SNX2: variants seen among roughly 807,000 people sequenced by gnomAD.
SNX2 encodes the protein sorting nexin 2.
A neutral mutation model predicts 69.9 loss-of-function variants in SNX2; 25 were observed. The ratio of observed to expected loss-of-function variants is 0.36; its 90% CI spans 0.26 to 0.50. The LOEUF is 0.50. SNX2 is among the 20% of genes least tolerant of loss of function. The pLI, the probability that SNX2 is intolerant of heterozygous loss-of-function variation, is 0.97. For synonymous variants in SNX2, 229 were observed against 200.4 expected (o/e 1.14, Z -1.20); for missense variants, 551 against 613.3 (o/e 0.90, Z 1.07).
At position 122,801,787 on chromosome 5, in the gene SNX2, G is replaced by A. The variant is rs1581634192; in HGVS notation, c.391-82G>A. The A allele has an allele frequency of 2.6e-5, 23 of 876,388 alleles. No individual in the cohort carries two copies. The East Asian group carries it at 6.2e-4, about 24-fold the overall frequency. 54.3% of individuals were successfully genotyped at this position (876,388 alleles called of 1,614,324 possible). On this transcript the variant is annotated intron_variant, in intron 3 of 14. Coordinates refer to ENST00000379516, the MANE Select transcript of SNX2 (RefSeq NM_003100.4). The stretch of plus-strand genomic sequence containing the variant: ...ATTTGTTGTGACAGTGACTCTTACA[G>A]AAAATAGATGATAAAAATTAGTGTC...
At chr5:122,801,684 T>A (rs1241651094) in intron 3 of SNX2, among the ~76,000 whole-genome samples, 185 bp from the exon 4 acceptor site, 1 of 151,146 alleles carries the variant, frequency 6.6e-6, no homozygotes, top group East Asian at 1.9e-4. Context: ...TGTGTGTGTG[T>A]GTGTGTTTTA....
At position 122,830,529 on chromosome 5, in the gene SNX2, A is replaced by G. The variant is rs1020185234; in HGVS notation, c.*881A>G. ...GTTTTTTTTCTTTTAAACTAAAAGT[A>G]TATCATCTGTGCTCACAGTTGACAA... On this transcript the variant is annotated 3_prime_UTR_variant, in exon 15 of 15. Coordinates refer to ENST00000379516, the MANE Select transcript of SNX2 (RefSeq NM_003100.4). 6.6e-6 allele frequency among the ~76,000 whole-genome samples: 1 copy of G among 152,170 alleles called. No individual in the cohort carries two copies. The highest frequency in any genetic ancestry group is 1.5e-5 in the Non-Finnish European group (1 of 68,032).
At chr5:122,776,789 G>A (rs1752866719) in intron 1 of SNX2, among the ~76,000 whole-genome samples, 1 of 152,120 alleles carries the variant, frequency 6.6e-6, no homozygotes, top group Non-Finnish European at 1.5e-5. Context: ...GTTGGGGGTC[G>A]TTTAGAGTTG....
At chr5:122,778,031 AT>A (rs1293327136) in intron 1 of SNX2, among the ~76,000 whole-genome samples, 1 of 152,176 alleles carries the variant, frequency 6.6e-6, no homozygotes, top group Admixed American at 6.5e-5. Context: ...CTTCTGTTAG[AT>A]GAACTTTTTT....
Position 122,799,798 on chromosome 5 carries a change from TAG to T in SNX2, c.335_336del (p.Arg112AsnfsTer2). ...PVTPTTLIAP[R>X]IESKSMSAPV... ...TCACTCCTACTACACTCATTGCTCC[TAG>T]AATTGAATCAAAGAGTATGTCTGCT... On this transcript the variant is annotated frameshift_variant, in exon 3 of 15. Transcript: ENST00000379516. LOFTEE classifies it high-confidence loss of function. 1 of 1,613,496 alleles carries T rather than the reference TAG, an allele frequency of 6.2e-7. No homozygotes were observed. The highest frequency in any genetic ancestry group is 8.5e-7 in the Non-Finnish European group (1 of 1,179,506).
chr5:122,816,875 T>G, intron 8 of SNX2, 40 bp from the exon 9 acceptor site: 2 of 1,273,376 alleles, frequency 1.6e-6, no homozygotes, highest in South Asian at 1.2e-5. Context: ...CTCCAGGCTT[T>G]TAACCGGTTT....
intron 7 of SNX2, among the ~76,000 whole-genome samples, chr5:122,810,101 TC>T (rs1753735727): frequency 6.7e-6 from 1 of 150,316 alleles, no homozygotes. Context: ...TGTGACCTTA[TC>T]CCCAACCCTG....
intron 11 of SNX2, among the ~76,000 whole-genome samples, chr5:122,822,709 A>G (rs1022926017): frequency 3.3e-5 from 5 of 152,162 alleles, no homozygotes; most frequent in African/African-American, 1.2e-4. Flanking sequence ...ATTTAGAACT[A>G]TAAGAGTTGG....
chr5:122,829,354 G>A (rs1245958459), intron 14 of SNX2, among the ~76,000 whole-genome samples: 6 of 151,734 alleles, frequency 4.0e-5, no homozygotes, highest in South Asian at 2.1e-4. Context: ...ACAGGCAAGC[G>A]CCACATTGCC....
intron 7 of SNX2, among the ~76,000 whole-genome samples, chr5:122,814,684 T>C (rs182860023): frequency 6.4e-4 from 97 of 152,276 alleles, no homozygotes; most frequent in Non-Finnish European, 4.9e-4. Flanking sequence ...AAATATGTTA[T>C]TGCGAGGAAA....
At position 122,828,890 on chromosome 5, in the gene SNX2, G is replaced by A. The variant is rs368091785; in HGVS notation, c.1510-708G>A. Among the ~76,000 whole-genome samples the A allele has an allele frequency of 4.1e-4, 62 of 152,176 alleles. 1 individual carries two copies. The highest frequency in any genetic ancestry group is 3.4e-3 in the Middle Eastern group (1 of 292). On this transcript the variant is annotated intron_variant, in intron 14 of 14. Transcript: ENST00000379516. The stretch of plus-strand genomic sequence containing the variant: ...TCTCAGCACATTGGGAGGCCGAGGC[G>A]GGTGGATCACCTGAGGTCAGGAGTT...
intron 6 of SNX2, among the ~76,000 whole-genome samples, chr5:122,806,142 G>GCACACGCACACACACACACACA (rs1554063176): frequency 7.7e-4 from 101 of 130,582 alleles, no homozygotes; most frequent in Non-Finnish European, 1.3e-3. Context: ...ACACGCGCGC[G>GCACACGCACACACACACACACA]CACACACACA....
rs541442805 is a variant in SNX2 at position 122,804,120 on chromosome 5, G to A, written c.643+507G>A. Among the ~76,000 whole-genome samples, 38 of 144,242 alleles carry A rather than the reference G, an allele frequency of 2.6e-4. No homozygotes were observed. In the South Asian group the frequency reaches 7.2e-3, roughly 27 times the overall value. The allele number at this position is 144,242 out of a possible 152,430, so 94.6% of individuals were successfully genotyped here. On this transcript the variant is annotated intron_variant, in intron 6 of 14. Transcript: ENST00000379516. ...CGCCTGGGCAACAGAGTGAGACTCC[G>A]TCTCAAAAAAAAAATTGGGTTGAAA...
At chr5:122,782,939 T>C (rs1753009188) in intron 1 of SNX2, among the ~76,000 whole-genome samples, 1 of 152,052 alleles carries the variant, frequency 6.6e-6, no homozygotes, top group Non-Finnish European at 1.5e-5. Context: ...TCTTTGTTTT[T>C]GTTTTTTGTT....
At chr5:122,784,413 G>A (rs181306598) in intron 1 of SNX2, among the ~76,000 whole-genome samples, 20 of 151,474 alleles carry the variant, frequency 1.3e-4, no homozygotes, top group African/African-American at 4.8e-4. Flanking sequence ...ATCCATGAAC[G>A]GATGTTAATT....
chr5:122,806,142 G>GCACACACACACA (rs139834252), intron 6 of SNX2, among the ~76,000 whole-genome samples: 6 of 130,644 alleles, frequency 4.6e-5, no homozygotes, highest in African/African-American at 1.7e-4. Context: ...ACACGCGCGC[G>GCACACACACACA]CACACACACA....
chr5:122,821,984 A>G (rs1297469306), intron 11 of SNX2, among the ~76,000 whole-genome samples: 1 of 152,190 alleles, frequency 6.6e-6, no homozygotes, highest in East Asian at 1.9e-4. Flanking sequence ...ACCTAAACCT[A>G]CATGTTTCTT....
At chr5:122,802,664 A>C (rs1753542370) in intron 5 of SNX2, among the ~76,000 whole-genome samples, 1 of 152,194 alleles carries the variant, frequency 6.6e-6, no homozygotes, top group African/African-American at 2.4e-5. Context: ...GTCAAAGTAG[A>C]GGTCAGGATT....
intron 5 of SNX2, among the ~76,000 whole-genome samples, chr5:122,802,975 C>T (rs553841607): frequency 2.4e-4 from 36 of 152,288 alleles, no homozygotes; most frequent in Middle Eastern, 6.8e-3. Flanking sequence ...ATGAGGATGA[C>T]AGTTGTTAAT....
Sources: allele counts gnomAD v4.1 joint callset (sites outside exome capture counted in the v4.1 genomes callset), GRCh38; gene constraint gnomAD v4.1.1; transcripts MANE v1.5; gene names NCBI Gene and HGNC (gene_info 2026-07-23, HGNC 2026-07-21).